ATG7: variants seen among roughly 807,000 people sequenced by gnomAD.
ATG7 encodes the protein autophagy related 7, also known as ubiquitin-like modifier-activating enzyme ATG7.
A neutral mutation model predicts 82.4 loss-of-function variants in ATG7; 70 were observed. The observed-to-expected ratio is 0.85, with a 90% CI of 0.70 to 1.04. The LOEUF is 1.04. ATG7 is among the 50% of genes least tolerant of loss of function. The pLI is 0.00. For missense variants in ATG7, 792 were observed against 864.3 expected (o/e 0.92, Z 1.05); for synonymous variants, 287 against 313.0 (o/e 0.92, Z 0.88).
At chr3:11,453,648 A>G (rs1000430123) in intron 20 of ATG7, among the ~76,000 whole-genome samples, 2 of 152,166 alleles carry the variant, frequency 1.3e-5, no homozygotes, top group Admixed American at 6.5e-5. Flanking sequence ...CCTTCCCACA[A>G]ATAATCTCTC....
chr3:11,381,022 A>G (rs78784111), intron 19 of ATG7, among the ~76,000 whole-genome samples: 3,094 of 152,320 alleles, frequency 0.02, 54 homozygotes, highest in African/African-American at 0.029. Flanking sequence ...TTGACAAGCA[A>G]TGTTGATAAA....
intron 5 of ATG7, among the ~76,000 whole-genome samples, chr3:11,304,859 T>A (rs62248256): frequency 6.6e-6 from 1 of 152,190 alleles, no homozygotes; most frequent in Non-Finnish European, 1.5e-5. Context: ...GAGATATAAT[T>A]CATATACCAT....
At chr3:11,310,917 C>A (rs1237806801) in intron 7 of ATG7, among the ~76,000 whole-genome samples, 1 of 152,186 alleles carries the variant, frequency 6.6e-6, no homozygotes. Context: ...CAGGCATGAG[C>A]CACCGCATGC....
intron 20 of ATG7, among the ~76,000 whole-genome samples, chr3:11,434,252 C>G (rs914492598): frequency 2.0e-5 from 3 of 152,208 alleles, no homozygotes; most frequent in African/African-American, 7.2e-5. Flanking sequence ...ACAGCTTCAT[C>G]AAGAGCCTCT....
intron 17 of ATG7, among the ~76,000 whole-genome samples, chr3:11,363,696 G>A (rs1432653304): frequency 6.6e-6 from 1 of 152,236 alleles, no homozygotes; most frequent in Non-Finnish European, 1.5e-5. Flanking sequence ...CTCAACCAGT[G>A]TGGCTCCAGA....
chr3:11,518,856 A>G (rs2092356766), intron 20 of ATG7, among the ~76,000 whole-genome samples: 1 of 152,244 alleles, frequency 6.6e-6, no homozygotes, highest in Admixed American at 6.5e-5. Context: ...AACTGGTAAG[A>G]TAAACAATCT....
chr3:11,502,892 A>C (rs1164180303), intron 20 of ATG7, among the ~76,000 whole-genome samples: 1 of 152,172 alleles, frequency 6.6e-6, no homozygotes, highest in Non-Finnish European at 1.5e-5. Context: ...GCCCTCTCTT[A>C]TTCCATTTTG....
intron 3 of ATG7, among the ~76,000 whole-genome samples, chr3:11,293,500 C>T (rs1945296058): frequency 7.0e-6 from 1 of 143,488 alleles, no homozygotes; most frequent in Admixed American, 7.2e-5. Flanking sequence ...CACTACACTC[C>T]AGCCTGGATG....
chr3:11,518,263 G>A (rs1226076921), intron 20 of ATG7, among the ~76,000 whole-genome samples: 2 of 14,314 alleles, frequency 1.4e-4, no homozygotes, highest in Non-Finnish European at 2.7e-4. Context: ...AACCTGAGCC[G>A]AGGCTGGGCA....
intron 20 of ATG7, among the ~76,000 whole-genome samples, chr3:11,501,902 C>G (rs1446469753): frequency 1.3e-5 from 2 of 152,128 alleles, no homozygotes; most frequent in East Asian, 3.9e-4. Flanking sequence ...GTTGGCCAGG[C>G]TGGTCTAGAA....
At chr3:11,484,710 C>T (rs953467351) in intron 20 of ATG7, among the ~76,000 whole-genome samples, 5 of 152,224 alleles carry the variant, frequency 3.3e-5, no homozygotes, top group African/African-American at 1.2e-4. Context: ...GACCCCACGA[C>T]AGTCCCCAGA....
chr3:11,547,381 A>G (rs1417963015), intron 20 of ATG7, among the ~76,000 whole-genome samples: 2 of 152,202 alleles, frequency 1.3e-5, no homozygotes, highest in African/African-American at 4.8e-5. Context: ...ACCACGTTTC[A>G]TTTATTCATC....
chr3:11,564,170 C>T, the ATG7 span, among the ~76,000 whole-genome samples: 1 of 152,186 alleles, frequency 6.6e-6, no homozygotes, highest in Non-Finnish European at 1.5e-5. Flanking sequence ...ATATATTTCC[C>T]CAGGAACCCC....
intron 19 of ATG7, among the ~76,000 whole-genome samples, chr3:11,423,264 A>G (rs2082086911): frequency 6.6e-6 from 1 of 152,208 alleles, no homozygotes; most frequent in Admixed American, 6.5e-5. Context: ...CATCTTATAT[A>G]GGTACAGTTT....
At chr3:11,523,800 A>G (rs1418398065) in intron 20 of ATG7, among the ~76,000 whole-genome samples, 2 of 152,262 alleles carry the variant, frequency 1.3e-5, no homozygotes, top group Non-Finnish European at 2.9e-5. Flanking sequence ...AATCCAGCTA[A>G]CATGGAAAAA....
intron 3 of ATG7, among the ~76,000 whole-genome samples, chr3:11,284,400 A>G (rs1206961526): frequency 6.6e-6 from 1 of 152,182 alleles, no homozygotes; most frequent in African/African-American, 2.4e-5. Context: ...TATGGAAATG[A>G]TTTCTCATTT....
At chr3:11,475,893 ACACACACACACACACC>A (rs1184012630) in intron 20 of ATG7, among the ~76,000 whole-genome samples, 1 of 150,762 alleles carries the variant, frequency 6.6e-6, no homozygotes, top group Admixed American at 6.6e-5. Context: ...ACACACACAC[ACACACACACACACACC>A]CCCTCCCAGA....
intron 20 of ATG7, among the ~76,000 whole-genome samples, chr3:11,472,525 A>G (rs1488692089): frequency 1.3e-5 from 2 of 152,204 alleles, no homozygotes; most frequent in East Asian, 3.8e-4. Context: ...AAGTCACATA[A>G]TCTGAGAGCC....
At chr3:11,419,340 G>C (rs35343380) in intron 19 of ATG7, among the ~76,000 whole-genome samples, 32,490 of 151,954 alleles carry the variant, frequency 0.21, 3,922 homozygotes, top group South Asian at 0.35. Context: ...ATCGCTTGAG[G>C]CCAGGAGTTC....
Sources: allele counts gnomAD v4.1 joint callset (sites outside exome capture counted in the v4.1 genomes callset), GRCh38; gene constraint gnomAD v4.1.1; transcripts MANE v1.5; gene names NCBI Gene and HGNC (gene_info 2026-07-23, HGNC 2026-07-21).